Variants in PCCA observed in about 807,000 individuals in gnomAD.
The protein encoded by PCCA is propionyl-CoA carboxylase alpha chain, mitochondrial.
Under a neutral mutation model 101.3 loss-of-function variants are expected in PCCA, and 74 were observed. That is an observed-to-expected ratio of 0.73 (90% CI 0.61 to 0.89). The LOEUF is 0.89. PCCA is among the 40% of genes least tolerant of loss of function. The pLI is 0.00. For missense variants in PCCA, 891 were observed against 907.0 expected (o/e 0.98, Z 0.23); for synonymous variants, 294 against 313.6 (o/e 0.94, Z 0.66).
chr13:100,488,633 GTTTTTTTTTTGTTTT>G (rs2084613923), intron 21 of PCCA, among the ~76,000 whole-genome samples: 1 of 62,598 alleles, frequency 1.6e-5, no homozygotes, highest in Admixed American at 2.1e-4. Context: ...TTTTTGTTTT[GTTTTTTTTTTGTTTT>G]TTTTTTTTAA....
In PCCA at chr13:100,475,234, C is replaced by CCAG. The variant is rs1295112331; in HGVS notation, c.1899+25931_1899+25932insGCA. ...AGCGATTCACTGGTTTTTAGACTGT[C>CCAG]CACAGAGCTGTGCTGCCATCACTGT... On this transcript the variant is annotated intron_variant, in intron 21 of 23. Transcript: ENST00000376285. Among the ~76,000 whole-genome samples, 14 of 152,188 alleles carry CCAG rather than the reference C, an allele frequency of 9.2e-5. No homozygotes were observed. In the East Asian group the frequency reaches 1.7e-3, roughly 19 times the overall value.
chr13:100,106,499 C>T (rs1382557836), intron 2 of PCCA, among the ~76,000 whole-genome samples: 2 of 152,144 alleles, frequency 1.3e-5, no homozygotes, highest in Non-Finnish European at 2.9e-5. Context: ...CAACCTCCAC[C>T]TTCCGAGTTC....
intron 22 of PCCA, among the ~76,000 whole-genome samples, chr13:100,519,744 A>G (rs888324543): frequency 3.3e-5 from 5 of 152,160 alleles, no homozygotes; most frequent in African/African-American, 1.2e-4. Flanking sequence ...TTTATTTTTT[A>G]TTTCTTAAAC....
intron 19 of PCCA, among the ~76,000 whole-genome samples, chr13:100,418,468 A>G (rs188052502): frequency 7.9e-5 from 12 of 152,268 alleles, no homozygotes; most frequent in African/African-American, 1.9e-4. Flanking sequence ...CCTCTTCTCT[A>G]TACCACCAGG....
chr13:100,431,321 T>C (rs1378110225), intron 20 of PCCA, among the ~76,000 whole-genome samples: 3 of 152,234 alleles, frequency 2.0e-5, no homozygotes, highest in Non-Finnish European at 4.4e-5. Context: ...ATAAAAGTTC[T>C]TCCTGCGTTA....
intron 19 of PCCA, among the ~76,000 whole-genome samples, chr13:100,378,418 T>C (rs146000888): frequency 1.3e-5 from 2 of 152,368 alleles, no homozygotes; most frequent in East Asian, 3.9e-4. Flanking sequence ...GATACTGTTT[T>C]GCATTGAATC....
At chr13:100,247,917 G>A (rs1305517538) in intron 8 of PCCA, among the ~76,000 whole-genome samples, 2 of 152,146 alleles carry the variant, frequency 1.3e-5, no homozygotes, top group East Asian at 1.9e-4. Flanking sequence ...GATAATAGGT[G>A]TATTACAGTG....
chr13:100,346,988 C>T (rs2072338424), intron 18 of PCCA, among the ~76,000 whole-genome samples: 1 of 152,138 alleles, frequency 6.6e-6, no homozygotes, highest in African/African-American at 2.4e-5. Context: ...GTTCTCCTGC[C>T]TCAGCCTCCC....
chr13:100,182,641 C>T (rs2056906003), intron 6 of PCCA, among the ~76,000 whole-genome samples: 1 of 152,252 alleles, frequency 6.6e-6, no homozygotes, highest in East Asian at 1.9e-4. Flanking sequence ...ATGCTCCATT[C>T]TTTGAGGTGT....
At chr13:100,325,203 G>A (rs2068528046) in intron 16 of PCCA, among the ~76,000 whole-genome samples, 1 of 152,110 alleles carries the variant, frequency 6.6e-6, no homozygotes, top group Admixed American at 6.6e-5. Context: ...ATTTCATATT[G>A]AAGATGCAGC....
chr13:100,187,822 C>T (rs545385898), intron 6 of PCCA, among the ~76,000 whole-genome samples: 59 of 152,044 alleles, frequency 3.9e-4, no homozygotes, highest in Middle Eastern at 3.4e-3. Context: ...TCTTTAGTGG[C>T]GATTTCTGAG....
At chr13:100,110,628 C>T (rs1490134077) in intron 2 of PCCA, among the ~76,000 whole-genome samples, 1 of 152,124 alleles carries the variant, frequency 6.6e-6, no homozygotes, top group African/African-American at 2.4e-5. Context: ...TGGATATATG[C>T]ACAATTAGGT....
Position 100,422,113 on chromosome 13 carries a change from T to TCTTTCTTTCTTTCTTTCTTC in PCCA, c.1747-3512_1747-3511insCTTTCTTTCTTCCTTTCTTT, listed in dbSNP as rs1412388142. ...TTCTTTCTTTCTTTCTTTCTTTCTT[T>TCTTTCTTTCTTTCTTTCTTC]CTTTCTTTTCTTTCTTTCTTTCTTT... On this transcript the variant is annotated intron_variant, in intron 19 of 23. Coordinates refer to ENST00000376285, the MANE Select transcript of PCCA (RefSeq NM_000282.4). 1.0e-3 allele frequency among the ~76,000 whole-genome samples: 134 copies of TCTTTCTTTCTTTCTTTCTTC among 131,444 alleles called. 3 individuals carry two copies. Among genetic ancestry groups the TCTTTCTTTCTTTCTTTCTTC allele is most frequent in the Middle Eastern group, 4.0e-3 (1 of 252 alleles). 86.2% of individuals were successfully genotyped at this position (131,444 alleles called of 152,430 possible). A position where few individuals can be genotyped will look rare whatever the true frequency, so the allele number is the denominator to read the frequency against.
chr13:100,469,082 A>T lies in PCCA; in HGVS notation c.1899+19777A>T, dbSNP rs565790872. ...CAAAACTAGCCGGACGTGGTGGCAC[A>T]TTCCTGTAATCCCAGCTACTAGGGA... On this transcript the variant is annotated intron_variant, in intron 21 of 23. Coordinates refer to ENST00000376285, the MANE Select transcript of PCCA (RefSeq NM_000282.4). Among the ~76,000 whole-genome samples the T allele has an allele frequency of 5.9e-5, 9 of 151,942 alleles. No homozygotes were observed. The South Asian group carries it at 1.5e-3, about 25-fold the overall frequency.
chr13:100,182,814 G>A (rs970291791), intron 6 of PCCA, among the ~76,000 whole-genome samples: 1 of 152,056 alleles, frequency 6.6e-6, no homozygotes, highest in Admixed American at 6.6e-5. Context: ...CTAGGAAAGG[G>A]ACCCTGATAG....
At chr13:100,352,192 A>T (rs1173556312) in intron 18 of PCCA, among the ~76,000 whole-genome samples, 1 of 152,192 alleles carries the variant, frequency 6.6e-6, no homozygotes, top group African/African-American at 2.4e-5. Context: ...TTAAATGCAG[A>T]TGGCTTAAGC....
chr13:100,221,448 A>G (rs2059802966), intron 7 of PCCA, among the ~76,000 whole-genome samples: 1 of 152,222 alleles, frequency 6.6e-6, no homozygotes, highest in African/African-American at 2.4e-5. Context: ...CTTGTTCAAC[A>G]GGTTATTTTG....
intron 8 of PCCA, among the ~76,000 whole-genome samples, chr13:100,236,125 A>G (rs1311102089): frequency 2.0e-5 from 3 of 152,208 alleles, no homozygotes; most frequent in African/African-American, 7.2e-5. Context: ...GCTAATTCAA[A>G]GAAGGAATTG....
At chr13:100,220,897 A>C (rs542075873) in intron 7 of PCCA, among the ~76,000 whole-genome samples, 1 of 152,328 alleles carries the variant, frequency 6.6e-6, no homozygotes, top group South Asian at 2.1e-4. Flanking sequence ...ATGGTTGGCC[A>C]TCTCTAACTG....
Sources: gnomAD v4.1 joint callset for allele counts (sites outside exome capture counted in the v4.1 genomes callset) on GRCh38, gnomAD v4.1.1 for gene constraint, MANE v1.5 for transcripts, NCBI Gene and HGNC (gene_info 2026-07-23, HGNC 2026-07-21) for gene names.